Variants in DPP10 observed in about 807,000 individuals in gnomAD.
DPP10 encodes the protein dipeptidyl peptidase like 10.
Under a neutral mutation model 120.9 loss-of-function variants are expected in DPP10, and 33 were observed. The observed-to-expected ratio is 0.27, with a 90% CI of 0.21 to 0.37. The LOEUF (loss-of-function observed/expected upper bound fraction) is 0.37, where lower values mean the gene tolerates loss of function less well. Among genes scored for constraint, DPP10 ranks in the 10% least tolerant of loss-of-function variants. The pLI, the probability that DPP10 is intolerant of heterozygous loss-of-function variation, is 1.00. For synonymous variants in DPP10, 337 were observed against 326.1 expected, an observed-to-expected ratio of 1.03 and a Z score of -0.36; for missense variants, 816 against 942.8, an observed-to-expected ratio of 0.87 and a Z score of 1.76.
At chr2:114,885,376 C>A (rs759796784) in intron 1 of DPP10, among the ~76,000 whole-genome samples, 10 of 152,200 alleles carry the variant, frequency 6.6e-5, no homozygotes, top group Non-Finnish European at 1.5e-4. Context: ...AAACACACTC[C>A]CATGATCAAA....
At chr2:115,667,700 G>A (rs1390983505) in intron 5 of DPP10, among the ~76,000 whole-genome samples, 1 of 152,034 alleles carries the variant, frequency 6.6e-6, no homozygotes, top group Non-Finnish European at 1.5e-5. Context: ...CTATGTGTCT[G>A]TTTCTGTACC....
intron 1 of DPP10, among the ~76,000 whole-genome samples, chr2:115,020,413 A>C (rs1702985353): frequency 6.6e-6 from 1 of 152,180 alleles, no homozygotes; most frequent in African/African-American, 2.4e-5. Context: ...AAAAAGACAA[A>C]GAGGGACATT....
chr2:114,485,507 G>A (rs1314229893), intron 1 of DPP10, among the ~76,000 whole-genome samples: 1 of 144,898 alleles, frequency 6.9e-6, no homozygotes, highest in Non-Finnish European at 1.5e-5. Flanking sequence ...CTTCCTTAAT[G>A]TTTCAGTTTG....
At chr2:114,695,741 A>G (rs1409062275) in intron 1 of DPP10, among the ~76,000 whole-genome samples, 2 of 152,104 alleles carry the variant, frequency 1.3e-5, no homozygotes, top group East Asian at 1.9e-4. Flanking sequence ...TTCAAATTCC[A>G]TAATTGCACA....
chr2:115,535,973 G>A (rs575513514), intron 5 of DPP10, among the ~76,000 whole-genome samples: 17 of 152,058 alleles, frequency 1.1e-4, no homozygotes, highest in African/African-American at 4.1e-4. Context: ...TGTATCCTGA[G>A]ACTTTGCTGA....
At chr2:114,800,282 G>T (rs904253998) in intron 1 of DPP10, among the ~76,000 whole-genome samples, 4 of 152,174 alleles carry the variant, frequency 2.6e-5, no homozygotes, top group Non-Finnish European at 5.9e-5. Flanking sequence ...GCTAGTAGAG[G>T]TTGATCAGTT....
At chr2:114,585,689 G>A (rs1690918001) in intron 1 of DPP10, among the ~76,000 whole-genome samples, 1 of 152,114 alleles carries the variant, frequency 6.6e-6, no homozygotes, top group Non-Finnish European at 1.5e-5. Context: ...GATGGACAGT[G>A]GAATCTTCAA....
At chr2:115,450,992 C>T (rs1282063425) in intron 3 of DPP10, among the ~76,000 whole-genome samples, 2 of 151,804 alleles carry the variant, frequency 1.3e-5, no homozygotes, top group Non-Finnish European at 2.9e-5. Flanking sequence ...GGTTGTCTTA[C>T]TCATGAGGAA....
chr2:115,442,357 G>T (rs1204941375), intron 3 of DPP10, among the ~76,000 whole-genome samples: 1 of 138,512 alleles, frequency 7.2e-6, no homozygotes, highest in African/African-American at 3.2e-5. Context: ...ATCTGTGTGT[G>T]TGTGTTTGTG....
chr2:114,609,731 GT>G (rs577933134), intron 1 of DPP10, among the ~76,000 whole-genome samples: 16 of 152,272 alleles, frequency 1.1e-4, no homozygotes, highest in African/African-American at 3.8e-4. Flanking sequence ...AATGGAAAGG[GT>G]TCCTCTTGAA....
At chr2:115,148,489 T>G (rs994670233) in intron 1 of DPP10, among the ~76,000 whole-genome samples, 16 of 152,270 alleles carry the variant, frequency 1.1e-4, no homozygotes, top group African/African-American at 3.4e-4. Context: ...AAACACATTT[T>G]GGAGAGGCAG....
chr2:115,578,914 A>G (rs546508041), intron 5 of DPP10, among the ~76,000 whole-genome samples: 2 of 152,298 alleles, frequency 1.3e-5, no homozygotes, highest in South Asian at 4.1e-4. Context: ...GGCTCAAGGA[A>G]TTCTAACTCA....
intron 1 of DPP10, among the ~76,000 whole-genome samples, chr2:115,120,204 T>G (rs2104731583): frequency 6.6e-6 from 1 of 152,310 alleles, no homozygotes; most frequent in Admixed American, 6.5e-5. Flanking sequence ...CAAGGAGGCT[T>G]TTGTGATTCC....
intron 8 of DPP10, among the ~76,000 whole-genome samples, chr2:115,735,062 C>T (rs2093003825): frequency 3.9e-5 from 6 of 152,142 alleles, no homozygotes; most frequent in Admixed American, 3.9e-4. Flanking sequence ...GCCAAACTCA[C>T]ATAATTTGGA....
At chr2:114,465,320 C>T (rs1245395119) in intron 1 of DPP10, among the ~76,000 whole-genome samples, 4 of 152,180 alleles carry the variant, frequency 2.6e-5, no homozygotes, top group South Asian at 4.1e-4. Context: ...TGCTTTTCCC[C>T]CTTGTGCTCC....
intron 1 of DPP10, among the ~76,000 whole-genome samples, chr2:114,544,145 G>A (rs1687179940): frequency 6.6e-6 from 1 of 152,132 alleles, no homozygotes; most frequent in East Asian, 1.9e-4. Context: ...AGTGCTTTGG[G>A]GAAAAAGTAG....
intron 1 of DPP10, among the ~76,000 whole-genome samples, chr2:115,070,543 A>G (rs2105450348): frequency 6.6e-6 from 1 of 152,256 alleles, no homozygotes; most frequent in East Asian, 1.9e-4. Flanking sequence ...AATTCTAATA[A>G]TGGGTGTAAA....
At chr2:115,004,930 A>C (rs868163574) in intron 1 of DPP10, among the ~76,000 whole-genome samples, 4 of 152,188 alleles carry the variant, frequency 2.6e-5, no homozygotes, top group African/African-American at 7.2e-5. Flanking sequence ...CAGACAAACA[A>C]AAAGACAGCA....
chr2:115,634,866 G>A (rs1458509884), intron 5 of DPP10, among the ~76,000 whole-genome samples: 2 of 150,574 alleles, frequency 1.3e-5, no homozygotes, highest in Non-Finnish European at 3.0e-5. Context: ...CCTTCTAGGG[G>A]CTCAGTCCCA....
Sources: gnomAD v4.1 joint callset for allele counts (sites outside exome capture counted in the v4.1 genomes callset) on GRCh38, gnomAD v4.1.1 for gene constraint, MANE v1.5 for transcripts, NCBI Gene and HGNC (gene_info 2026-07-23, HGNC 2026-07-21) for gene names.